Variants in TCTN3 observed in about 807,000 individuals in gnomAD.
TCTN3 encodes tectonic-3.
Under a neutral mutation model 71.3 loss-of-function variants are expected in TCTN3, and 57 were observed. That is an observed-to-expected ratio of 0.80 (90% CI 0.65 to 1.00). The LOEUF is 1.00. Ranked by LOEUF, TCTN3 falls within the 50% of genes least tolerant of loss-of-function variation. TCTN3 has a pLI of 0.00. For synonymous variants in TCTN3, 258 were observed against 267.8 expected (o/e 0.96, Z 0.36); for missense variants, 696 against 719.9 (o/e 0.97, Z 0.38).
intron 13 of TCTN3, among the ~76,000 whole-genome samples, chr10:95,676,448 GC>G (rs1410146588): frequency 6.6e-6 from 1 of 151,894 alleles, no homozygotes; most frequent in Non-Finnish European, 1.5e-5. Flanking sequence ...TAAGGGATCT[GC>G]CCACCTTGGC....
In TCTN3 at chr10:95,683,649, A is replaced by C. The variant is rs1235081575; in HGVS notation, c.1096-20T>G. On this transcript the variant is annotated intron_variant, in intron 9 of 13. Coordinates refer to ENST00000371217, the MANE Select transcript of TCTN3 (RefSeq NM_015631.6). The stretch of plus-strand genomic sequence containing the variant: ...AAAAGCCTGCAGAAAGAGGGAAGAG[A>C]AGTCAATTATGGAGATAAGCATACT... 1 of 1,596,706 alleles carries C rather than the reference A, an allele frequency of 6.3e-7. No individual in the cohort carries two copies. The highest frequency in any genetic ancestry group is 8.6e-7 in the Non-Finnish European group (1 of 1,169,480).
intron 13 of TCTN3, among the ~76,000 whole-genome samples, chr10:95,666,240 C>CCT (rs2097925539): frequency 7.2e-6 from 1 of 138,230 alleles, no homozygotes; most frequent in Middle Eastern, 3.8e-3. Context: ...CATGCCCAGC[C>CCT]TTTTTTTTTT....
chr10:95,679,147 A>T (rs895427490), intron 13 of TCTN3, among the ~76,000 whole-genome samples: 2 of 152,296 alleles, frequency 1.3e-5, no homozygotes, highest in African/African-American at 4.8e-5. Flanking sequence ...GGACAAACTA[A>T]CCTGAAAAGC....
chr10:95,665,353 A>G (rs58636501), intron 13 of TCTN3, among the ~76,000 whole-genome samples: 2,258 of 152,254 alleles, frequency 0.015, 29 homozygotes, highest in Middle Eastern at 0.044. Flanking sequence ...ATCTTGGCTC[A>G]CTGCAACCTC....
rs2097942082 is a variant in TCTN3 at position 95,680,617 on chromosome 10, A to G, written c.1453-8T>C. The G allele has an allele frequency of 6.2e-7, 1 of 1,611,798 alleles. No homozygotes were observed. The highest frequency in any genetic ancestry group is 1.1e-5 in the South Asian group (1 of 90,740). On this transcript the variant is annotated splice_polypyrimidine_tract_variant and splice_region_variant and intron_variant, in intron 12 of 13. Transcript: ENST00000371217. Reference sequence around the variant, plus strand: ...GGAAGTACAGTTTATAGCCTGCAGAAGGGTAAAGAAGCATCTGCTTGAATT... The same window carrying G: ...GGAAGTACAGTTTATAGCCTGCAGAGGGGTAAAGAAGCATCTGCTTGAATT...
Position 95,680,493 on chromosome 10 carries a change from T to C in TCTN3, c.1569A>G (p.Leu523=), listed in dbSNP as rs201367852. 9.8e-5 allele frequency: 158 copies of C among 1,614,020 alleles called. No homozygotes were observed. The Middle Eastern group carries it at 1.6e-3, about 17-fold the overall frequency. The change falls in exon 13 of 14, where the codon CTA becomes CTG. Residue 523 remains leucine, a synonymous_variant. Coordinates refer to ENST00000371217, the MANE Select transcript of TCTN3 (RefSeq NM_015631.6). The part of the protein sequence containing the change: ...PQAHVSGVRF[L]YQCQSIQDSQ... ...TTACCTGTATAGACTGGCACTGGTA[T>C]AGGAATCGAACTCCTGATACATGAG...
At position 95,693,626 on chromosome 10, in the gene TCTN3, C is replaced by G. The variant is rs1589623835; in HGVS notation, c.256+18G>C. ...GATCTCAGAAGTAAGTTTCCACCCCCACAACGTTTTCCCTCACCTGGGAAG... is the reference window on the plus strand; with the variant it reads ...GATCTCAGAAGTAAGTTTCCACCCCGACAACGTTTTCCCTCACCTGGGAAG... On this transcript the variant is annotated intron_variant, in intron 1 of 13. Transcript: ENST00000371217. The G allele has an allele frequency of 6.5e-7, 1 of 1,548,876 alleles. No homozygotes were observed.
chr10:95,664,325 G>GT, intron 13 of TCTN3, 25 bp from the exon 14 acceptor site: 1 of 1,600,700 alleles, frequency 6.2e-7, no homozygotes, highest in Non-Finnish European at 8.6e-7. Flanking sequence ...TCAATGACAG[G>GT]TCAGCGCTTG....
intron 3 of TCTN3, 72 bp from the exon 4 acceptor site, chr10:95,687,791 AT>A: frequency 6.5e-7 from 1 of 1,533,946 alleles, no homozygotes. Flanking sequence ...TTTAAAAAAT[AT>A]TTTTATTGAA....
rs767604040 is a variant in TCTN3 at position 95,687,025 on chromosome 10, GGAGA to G, written c.852+15_852+18del. On this transcript the variant is annotated intron_variant, in intron 6 of 13. Transcript: ENST00000371217. ...CAACTTCATAGTAGTGACAGTGTAG[GGAGA>G]GAAAGGACACCTACCTTTAAGACTG... 6.3e-7 allele frequency: 1 copy of G among 1,575,098 alleles called. No homozygotes were observed. The highest frequency in any genetic ancestry group is 1.1e-5 in the South Asian group (1 of 90,286).
chr10:95,665,986 G>A (rs995032301), intron 13 of TCTN3, among the ~76,000 whole-genome samples: 1 of 151,272 alleles, frequency 6.6e-6, no homozygotes, highest in African/African-American at 2.4e-5. Flanking sequence ...TGTCGCCCAG[G>A]CTGGAGTGCA....
At chr10:95,672,897 T>C (rs1251643157) in intron 13 of TCTN3, among the ~76,000 whole-genome samples, 5 of 152,004 alleles carry the variant, frequency 3.3e-5, no homozygotes, top group Admixed American at 1.3e-4. Context: ...TTCACCATGT[T>C]GGCCAGGCTG....
intron 13 of TCTN3, among the ~76,000 whole-genome samples, chr10:95,673,237 C>G (rs1250551753): frequency 6.6e-6 from 1 of 151,810 alleles, no homozygotes; most frequent in Non-Finnish European, 1.5e-5. Flanking sequence ...TTTTTTGTTT[C>G]TTGTCTAAGA....
intron 13 of TCTN3, among the ~76,000 whole-genome samples, chr10:95,673,745 C>A (rs956537109): frequency 6.6e-6 from 1 of 152,082 alleles, no homozygotes; most frequent in African/African-American, 2.4e-5. Flanking sequence ...GAGGCTGAGG[C>A]AGGAGGATCA....
Position 95,683,203 on chromosome 10 carries a change from G to A in TCTN3, c.1204-8C>T. The A allele has an allele frequency of 3.1e-6, 5 of 1,610,966 alleles. No homozygotes were observed. The highest frequency in any genetic ancestry group is 4.2e-6 in the Non-Finnish European group (5 of 1,178,306). ...GCTCTGTAAGAGGGTCATCCAAGGT[G>A]GAAAAGTGATGATCAAGGACATCAT... is the stretch of plus-strand genomic sequence containing the variant. On this transcript the variant is annotated splice_polypyrimidine_tract_variant and splice_region_variant and intron_variant, in intron 10 of 13. Coordinates refer to ENST00000371217, the MANE Select transcript of TCTN3 (RefSeq NM_015631.6).
In TCTN3 at chr10:95,663,838, A is replaced by G. The variant is rs2097923708; in HGVS notation, c.*229T>C. On this transcript the variant is annotated 3_prime_UTR_variant, in exon 14 of 14. Transcript: ENST00000371217. ...TCCCAGCTTGAGAAGTAGGGGCCTC[A>G]TGTGTATCTGGTGGCCTGCAGAGCC... The G allele has an allele frequency of 2.2e-6, 1 of 459,268 alleles. No individual in the cohort carries two copies. Among genetic ancestry groups the G allele is most frequent in the African/African-American group, 2.0e-5 (1 of 50,912 alleles). The allele number at this position is 459,268 out of a possible 1,614,324, so 28.4% of individuals were successfully genotyped here.
At chr10:95,681,604 G>A (rs148497371) in intron 12 of TCTN3, among the ~76,000 whole-genome samples, 3 of 152,302 alleles carry the variant, frequency 2.0e-5, no homozygotes, top group Non-Finnish European at 2.9e-5. Context: ...TATACCTAAT[G>A]CAGTACTCCA....
Position 95,687,281 on chromosome 10 carries a change from T to C in TCTN3, c.702A>G (p.Gly234=). 6.2e-7 allele frequency: 1 copy of C among 1,614,148 alleles called. No homozygotes were observed. The highest frequency in any genetic ancestry group is 8.5e-7 in the Non-Finnish European group (1 of 1,180,022). ...TGCTTTCAGCACAGAGTCCCCCAGCTCCAACTCCTGCAGGTTGTCTCAGCA... is the reference window on the plus strand; with the variant it reads ...TGCTTTCAGCACAGAGTCCCCCAGCCCCAACTCCTGCAGGTTGTCTCAGCA... ...ISLLRQPAGV[G]AGGLCAESNP... is the part of the protein sequence containing the mutation. The change falls in exon 5 of 14, where the codon GGA becomes GGG. Residue 234 remains glycine (G), a synonymous_variant. Transcript: ENST00000371217.
intron 8 of TCTN3, 148 bp from the exon 9 acceptor site, chr10:95,684,772 T>C: frequency 1.2e-6 from 1 of 832,178 alleles, no homozygotes; most frequent in South Asian, 2.0e-5. Context: ...ACAAATACTA[T>C]GAAAGATAAA....
Sources: allele counts gnomAD v4.1 joint callset (sites outside exome capture counted in the v4.1 genomes callset), GRCh38; gene constraint gnomAD v4.1.1; transcripts MANE v1.5; gene names NCBI Gene and HGNC (gene_info 2026-07-23, HGNC 2026-07-21).